The following ADRB3 variants were observed in gnomAD, a reference collection of about 807,000 sequenced individuals.
ADRB3 encodes the protein beta-3 adrenergic receptor.
A neutral mutation model predicts 23.8 loss-of-function variants in ADRB3; 33 were observed. The observed-to-expected ratio is 1.38, with a 90% CI of 1.05 to 1.85. ADRB3 has a LOEUF of 1.85. Ranked by LOEUF, ADRB3 falls within the 40% of genes most tolerant of loss-of-function variation. The pLI, the probability that ADRB3 is intolerant of heterozygous loss-of-function variation, is 0.00. For missense variants in ADRB3, 600 were observed against 579.6 expected, an observed-to-expected ratio of 1.04 and a Z score of -0.36; for synonymous variants, 289 against 273.0, an observed-to-expected ratio of 1.06 and a Z score of -0.58.
rs757535525 is a variant in ADRB3 at position 37,966,006 on chromosome 8, C to T, written c.464G>A (p.Arg155Gln). 7 of 1,574,120 alleles carry T rather than the reference C, an allele frequency of 4.4e-6. No homozygotes were observed. In the African/African-American group the frequency reaches 5.4e-5, roughly 12 times the overall value. ...YGALVTKRCA[R>Q]TAVVLVWVVS... is the part of the protein sequence containing the mutation. ...GACCCACACCAGGACCACAGCTGTCCGGGCGCAGCGCTTGGTGACCAGTGC... is the reference window on the plus strand; with the variant it reads ...GACCCACACCAGGACCACAGCTGTCTGGGCGCAGCGCTTGGTGACCAGTGC... Residue 155 changes from arginine to glutamine, a missense_variant, in exon 1 of 2, where the codon CGG becomes CAG. Physicochemically the swap from Arg to Gln is conservative, Grantham distance 43. Transcript: ENST00000345060.
Position 37,963,320 on chromosome 8 carries a change from G to A in ADRB3, c.*898C>T, listed in dbSNP as rs958972960. Reference sequence around the variant, plus strand: ...CAAGTCCTGTGGGGAGCGTGGCTTTGCTACTCAATGGCAACTGGATTTCAA... The same window carrying A: ...CAAGTCCTGTGGGGAGCGTGGCTTTACTACTCAATGGCAACTGGATTTCAA... On this transcript the variant is annotated 3_prime_UTR_variant, in exon 2 of 2. Transcript: ENST00000345060. 6.6e-6 allele frequency: 1 copy of A among 152,250 alleles called. No individual in the cohort carries two copies. The highest frequency in any genetic ancestry group is 2.4e-5 in the African/African-American group (1 of 41,454). 9.4% of individuals were successfully genotyped at this position (152,250 alleles called of 1,614,324 possible). A position where few individuals can be genotyped will look rare whatever the true frequency, so the allele number is the denominator to read the frequency against.
chr8:37,965,210 C>A, intron 1 of ADRB3, 55 bp downstream of exon 1: 1 of 1,431,262 alleles, frequency 7.0e-7, no homozygotes. Context: ...GACCCACGGA[C>A]ACATCGCATG....
Position 37,965,876 on chromosome 8 carries a change from G to A in ADRB3, c.594C>T (p.Phe198=), listed in dbSNP as rs200334453. 7.1e-6 allele frequency: 11 copies of A among 1,553,290 alleles called. No individual in the cohort carries two copies. Among genetic ancestry groups the A allele is most frequent in the Non-Finnish European group, 9.6e-6 (11 of 1,147,758 alleles). The part of the protein sequence containing the change: ...RCHSNPRCCA[F]ASNMPYVLLS... ...GCAGCACGTAGGGCATGTTGGAGGC[G>A]AAGGCACAGCAGCGCGGGTTGGAGT... Residue 198 remains phenylalanine, a synonymous_variant, in exon 1 of 2, where the codon TTC becomes TTT. Transcript: ENST00000345060.
chr8:37,965,632 C>T lies in ADRB3; in HGVS notation c.838G>A (p.Ala280Thr). 1.3e-6 allele frequency: 2 copies of T among 1,529,528 alleles called. No individual in the cohort carries two copies. Among genetic ancestry groups the T allele is most frequent in the South Asian group, 2.4e-5 (2 of 81,696 alleles). The allele number at this position is 1,529,528 out of a possible 1,614,324, so 94.7% of individuals were successfully genotyped here. A position where few individuals can be genotyped will look rare whatever the true frequency, so the allele number is the denominator to read the frequency against. ...TGTTCCCGGAGAGGCAGGAGGCGCG[C>T]GGGCCGCCGGCCGCAGGCGGGCACC... ...EGVPACGRRP[A>T]RLLPLREHRA... is the part of the protein sequence containing the mutation. Residue 280 changes from alanine (A) to threonine (T), a missense_variant, in exon 1 of 2, where the codon GCG becomes ACG. Ala to Thr is a moderately conservative substitution (Grantham distance 58). Coordinates refer to ENST00000345060, the MANE Select transcript of ADRB3 (RefSeq NM_000025.3).
Position 37,966,483 on chromosome 8 carries a change from G to T in ADRB3, c.-14C>A. ...CCACGGAGCCATCCCCGGGTCGCGC[G>T]TGGGGCGGTAGGGAAAGAAGGAAGG... On this transcript the variant is annotated 5_prime_UTR_variant, in exon 1 of 2. Coordinates refer to ENST00000345060, the MANE Select transcript of ADRB3 (RefSeq NM_000025.3). The T allele has an allele frequency of 6.3e-7, 1 of 1,575,184 alleles. No individual in the cohort carries two copies. The highest frequency in any genetic ancestry group is 8.6e-7 in the Non-Finnish European group (1 of 1,165,176).
In ADRB3 at chr8:37,964,244, G is replaced by GA. The variant is rs748294178; in HGVS notation, c.1206-6dup. ...TAAGAAACTCCCCAAGAAGCCCTGG[G>GA]AAAAAAAGTGGAGATAATAGACCCT... On this transcript the variant is annotated splice_polypyrimidine_tract_variant and splice_region_variant and intron_variant, in intron 1 of 1. Transcript: ENST00000345060. 1.4e-4 allele frequency: 229 copies of GA among 1,612,152 alleles called. No homozygotes were observed. Among genetic ancestry groups the GA allele is most frequent in the Middle Eastern group, 9.9e-4 (6 of 6,062 alleles).
chr8:37,966,135 A>C lies in ADRB3; in HGVS notation c.335T>G (p.Leu112Arg). The C allele has an allele frequency of 6.2e-7, 1 of 1,611,314 alleles. No homozygotes were observed. The highest frequency in any genetic ancestry group is 8.5e-7 in the Non-Finnish European group (1 of 1,179,034). ...HWPLGATGCE[L>R]WTSVDVLCVT... is the part of the protein sequence containing the mutation. ...ACACAGCACGTCCACCGAGGTCCAC[A>C]GCTCGCAGCCAGTGGCGCCCAACGG... is the stretch of plus-strand genomic sequence containing the variant. Residue 112 changes from leucine to arginine, a missense_variant, in exon 1 of 2, where the codon CTG (leucine) becomes CGG (arginine). Leu to Arg is a moderately radical substitution (Grantham distance 102, BLOSUM62 -2). Coordinates refer to ENST00000345060, the MANE Select transcript of ADRB3 (RefSeq NM_000025.3).
At position 37,966,287 on chromosome 8, in the gene ADRB3, G is replaced by A; in HGVS notation, c.183C>T (p.Ala61=). Residue 61 remains alanine (A), a synonymous_variant, in exon 1 of 2, where the codon GCC becomes GCT. Coordinates refer to ENST00000345060, the MANE Select transcript of ADRB3 (RefSeq NM_000025.3). ...TVGGNLLVIV[A]IAWTPRLQTM... ...TCTGGAGTCTCGGAGTCCAGGCGAT[G>A]GCCACGATGACCAGCAGGTTGCCTC... 6.2e-7 allele frequency: 1 copy of A among 1,613,758 alleles called. No individual in the cohort carries two copies. The highest frequency in any genetic ancestry group is 8.5e-7 in the Non-Finnish European group (1 of 1,179,816).
chr8:37,965,510 G>C lies in ADRB3; in HGVS notation c.960C>G (p.Pro320=), dbSNP rs769696486. 2.3e-5 allele frequency: 35 copies of C among 1,551,854 alleles called. No individual in the cohort carries two copies. Among genetic ancestry groups the C allele is most frequent in the Non-Finnish European group, 2.9e-5 (33 of 1,147,432 alleles). ...GGAAAGCCGGGCCCGGGACTAGAGAGGGGCCCCCCAGGGCGCGCAGCACGT... is the reference window on the plus strand; with the variant it reads ...GGAAAGCCGGGCCCGGGACTAGAGACGGGCCCCCCAGGGCGCGCAGCACGT... ...LANVLRALGG[P]SLVPGPAFLA... Residue 320 remains proline, a synonymous_variant, in exon 1 of 2, where the codon CCC becomes CCG. Coordinates refer to ENST00000345060, the MANE Select transcript of ADRB3 (RefSeq NM_000025.3).
At chr8:37,964,718 G>A (rs1396078575) in intron 1 of ADRB3, among the ~76,000 whole-genome samples, 1 of 152,198 alleles carries the variant, frequency 6.6e-6, no homozygotes, top group Non-Finnish European at 1.5e-5. Flanking sequence ...GATCACTTGA[G>A]GCCAGAAGTT....
At position 37,965,671 on chromosome 8, in the gene ADRB3, C is replaced by G; in HGVS notation, c.799G>C (p.Ala267Pro). ...CAGGCGGGCACCCCTTCGGGCGGAGCGCACGTCCCCACCGGGGCCGGGGCC... is the reference window on the plus strand; with the variant it reads ...CAGGCGGGCACCCCTTCGGGCGGAGGGCACGTCCCCACCGGGGCCGGGGCC... ...SLAPAPVGTC[A>P]PPEGVPACGR... The change falls in exon 1 of 2, where the codon GCT becomes CCT. Residue 267 changes from alanine (A) to proline (P), a missense_variant. Ala to Pro is a conservative substitution (Grantham distance 27). Coordinates refer to ENST00000345060, the MANE Select transcript of ADRB3 (RefSeq NM_000025.3). The G allele has an allele frequency of 2.0e-6, 3 of 1,537,720 alleles. No individual in the cohort carries two copies. The highest frequency in any genetic ancestry group is 1.9e-4 in the Middle Eastern group (1 of 5,378).
At position 37,966,133 on chromosome 8, in the gene ADRB3, A is replaced by G; in HGVS notation, c.337T>C (p.Trp113Arg). The G allele has an allele frequency of 1.2e-6, 2 of 1,611,438 alleles. No homozygotes were observed. The highest frequency in any genetic ancestry group is 1.7e-6 in the Non-Finnish European group (2 of 1,179,112). The change falls in exon 1 of 2, where the codon TGG (tryptophan) becomes CGG (arginine). Residue 113 changes from tryptophan to arginine, a missense_variant. Transcript: ENST00000345060. ...ACACACAGCACGTCCACCGAGGTCCACAGCTCGCAGCCAGTGGCGCCCAAC... is the reference window on the plus strand; with the variant it reads ...ACACACAGCACGTCCACCGAGGTCCGCAGCTCGCAGCCAGTGGCGCCCAAC... Reference protein sequence around the residue: ...WPLGATGCELWTSVDVLCVTA... With the variant: ...WPLGATGCELRTSVDVLCVTA...
rs1227051477 is a variant in ADRB3 at position 37,965,974 on chromosome 8, CCGA to C, written c.493_495del (p.Ser165del). The C allele has an allele frequency of 2.6e-6, 4 of 1,566,588 alleles. No individual in the cohort carries two copies. Among genetic ancestry groups the C allele is most frequent in the Non-Finnish European group, 3.5e-6 (4 of 1,155,566 alleles). On this transcript the variant is annotated inframe_deletion, in exon 1 of 2. Coordinates refer to ENST00000345060, the MANE Select transcript of ADRB3 (RefSeq NM_000025.3). ...ATGATGGGCGCAAACGACACCGCGG[CCGA>C]CACGACCCACACCAGGACCACAGCT...
chr8:37,964,238 C>G lies in ADRB3; in HGVS notation c.1207G>C (p.Ala403Pro), dbSNP rs201625677. ...QPRLCQRLDG[A>P]SWGVS Reference sequence around the variant, plus strand: ...CAGGCCTAAGAAACTCCCCAAGAAGCCCTGGGAAAAAAAGTGGAGATAATA... The same window carrying G: ...CAGGCCTAAGAAACTCCCCAAGAAGGCCTGGGAAAAAAAGTGGAGATAATA... The change falls in exon 2 of 2, where the codon GCT (alanine) becomes CCT (proline). Residue 403 changes from alanine (A) to proline (P), a missense_variant and splice_region_variant. Ala to Pro is a conservative substitution (Grantham distance 27, BLOSUM62 -1). Coordinates refer to ENST00000345060, the MANE Select transcript of ADRB3 (RefSeq NM_000025.3). 1.6e-5 allele frequency: 26 copies of G among 1,613,026 alleles called. No individual in the cohort carries two copies. In the East Asian group the frequency reaches 5.8e-4, roughly 36 times the overall value.
At chr8:37,964,889 A>G in intron 1 of ADRB3, 1 of 197,838 alleles carries the variant, frequency 5.1e-6, no homozygotes, top group Non-Finnish European at 9.9e-6. Context: ...CAGTGAGCTG[A>G]GATCGCGCCA....
chr8:37,965,807 G>A lies in ADRB3; in HGVS notation c.663C>T (p.Leu221=), dbSNP rs1808297072. The A allele has an allele frequency of 1.3e-6, 2 of 1,552,440 alleles. No individual in the cohort carries two copies. The highest frequency in any genetic ancestry group is 1.7e-6 in the Non-Finnish European group (2 of 1,147,298). ...CCACGAAAACCCGCGCGTAGACGAA[G>A]AGCATCACGAGAAGAGGAAGGTAGA... is the stretch of plus-strand genomic sequence containing the variant. The part of the protein sequence containing the change: ...VSFYLPLLVM[L]FVYARVFVVA... Residue 221 remains leucine (L), a synonymous_variant, in exon 1 of 2, where the codon CTC becomes CTT. Coordinates refer to ENST00000345060, the MANE Select transcript of ADRB3 (RefSeq NM_000025.3).
At chr8:37,964,283 C>T in intron 1 of ADRB3, 44 bp from the exon 2 acceptor site, 2 of 1,560,040 alleles carry the variant, frequency 1.3e-6, no homozygotes, top group South Asian at 2.2e-5. Context: ...GTGAAAGGAG[C>T]AACAGGTGCA....
rs540609563 is a variant in ADRB3, at chr8:37,964,878, G to T, written c.1205+387C>A. The T allele has an allele frequency of 8.3e-4, 159 of 190,432 alleles. 2 individuals carry two copies. Among genetic ancestry groups the T allele is most frequent in the African/African-American group, 3.4e-3 (146 of 42,520 alleles). The allele number at this position is 190,432 out of a possible 1,614,324, so 11.8% of individuals were successfully genotyped here. A position where few individuals can be genotyped will look rare whatever the true frequency, so the allele number is the denominator to read the frequency against. On this transcript the variant is annotated intron_variant, in intron 1 of 1. Coordinates refer to ENST00000345060, the MANE Select transcript of ADRB3 (RefSeq NM_000025.3). ...GCCCAGGAGCCAGGAGTTCAAGACT[G>T]CAGTGAGCTGAGATCGCGCCACTGC...
Position 37,965,365 on chromosome 8 carries a change from G to A in ADRB3, c.1105C>T (p.Pro369Ser), listed in dbSNP as rs1808277909. The A allele has an allele frequency of 5.2e-6, 8 of 1,547,474 alleles. No homozygotes were observed. The highest frequency in any genetic ancestry group is 7.0e-6 in the Non-Finnish European group (8 of 1,146,106). Residue 369 changes from proline (P) to serine (S), a missense_variant, in exon 1 of 2, where the codon CCG (proline) becomes TCG (serine). Coordinates refer to ENST00000345060, the MANE Select transcript of ADRB3 (RefSeq NM_000025.3). ...GGGCGGGCGGCGGCGCAGGGCTCCG[G>A]AGGCAGGCGACGGCCGCAGCGGCAC... is the stretch of plus-strand genomic sequence containing the variant. The part of the protein sequence containing the change: ...LLCRCGRRLP[P>S]EPCAAARPAL...
Sources: gnomAD v4.1 joint callset for allele counts (sites outside exome capture counted in the v4.1 genomes callset) on GRCh38, gnomAD v4.1.1 for gene constraint, MANE v1.5 for transcripts, NCBI Gene and HGNC (gene_info 2026-07-23, HGNC 2026-07-21) for gene names.